The following PIWIL2 variants were observed in gnomAD, a reference collection of about 807,000 sequenced individuals.
The protein encoded by PIWIL2 is piwi like RNA-mediated gene silencing 2.
In PIWIL2, 81 loss-of-function variants were observed where a neutral mutation model predicts 116.5. The observed-to-expected ratio is 0.70, with a 90% CI of 0.58 to 0.84. PIWIL2 has a LOEUF of 0.84. Among genes scored for constraint, PIWIL2 ranks in the 40% least tolerant of loss-of-function variants. The pLI is 0.00. For missense variants in PIWIL2, 1,272 were observed against 1,212.3 expected (o/e 1.05, Z -0.73); for synonymous variants, 489 against 429.5 (o/e 1.14, Z -1.71).
chr8:22,348,205 C>T (rs1459043308), intron 20 of PIWIL2, among the ~76,000 whole-genome samples: 1 of 151,942 alleles, frequency 6.6e-6, no homozygotes, highest in Non-Finnish European at 1.5e-5. Context: ...GGGGCCGAGG[C>T]AGGAGAATCG....
chr8:22,279,556 C>G lies in PIWIL2; in HGVS notation c.170C>G (p.Pro57Arg). Residue 57 changes from proline to arginine, a missense_variant, in exon 2 of 23, where the codon CCA becomes CGA. Coordinates refer to ENST00000356766, the MANE Select transcript of PIWIL2 (RefSeq NM_018068.5). ...CATGTATTTGGAAAGCCAGAGGAACCAAGCACACAGAGGGGGCCAGCACAA... is the reference window on the plus strand; with the variant it reads ...CATGTATTTGGAAAGCCAGAGGAACGAAGCACACAGAGGGGGCCAGCACAA... ...RGHVFGKPEE[P>R]STQRGPAQRE... The G allele has an allele frequency of 1.2e-6, 2 of 1,614,184 alleles. No individual in the cohort carries two copies. Among genetic ancestry groups the G allele is most frequent in the Non-Finnish European group, 1.7e-6 (2 of 1,180,022 alleles).
intron 20 of PIWIL2, among the ~76,000 whole-genome samples, chr8:22,323,194 C>T (rs1331822626): frequency 7.5e-6 from 1 of 133,656 alleles, no homozygotes; most frequent in Admixed American, 8.9e-5. Context: ...GTCGCCCAGG[C>T]TGGAGTGCAG....
chr8:22,297,620 AC>A (rs1830940549), intron 10 of PIWIL2, among the ~76,000 whole-genome samples: 1 of 152,090 alleles, frequency 6.6e-6, no homozygotes, highest in African/African-American at 2.4e-5. Context: ...GGGCACAAGG[AC>A]CCCTGCAGTG....
intron 20 of PIWIL2, among the ~76,000 whole-genome samples, chr8:22,330,298 G>A (rs1175590311): frequency 6.6e-6 from 1 of 151,984 alleles, no homozygotes; most frequent in Non-Finnish European, 1.5e-5. Flanking sequence ...GTTCTTTCTT[G>A]TAATTTCTGT....
rs777814986 is a variant in PIWIL2, at chr8:22,287,548, G to T, written c.764G>T (p.Ser255Ile). Reference protein sequence around the residue: ...VTFSPNVECKSMRFGMLKDHQ... With the variant: ...VTFSPNVECKIMRFGMLKDHQ... ...TCCAGCCCCAATGTGGAGTGCAAAA[G>T]CATGAGGTTCGGCATGTTGAAGGAC... is the stretch of plus-strand genomic sequence containing the variant. Residue 255 changes from serine (S) to isoleucine (I), a missense_variant, in exon 7 of 23, where the codon AGC becomes ATC. By Grantham distance (142) the Ser-to-Ile change is moderately radical. Transcript: ENST00000356766. 1 of 1,613,044 alleles carries T rather than the reference G, an allele frequency of 6.2e-7. No individual in the cohort carries two copies. The highest frequency in any genetic ancestry group is 1.1e-5 in the South Asian group (1 of 91,042).
At chr8:22,325,037 G>A (rs760174910) in intron 20 of PIWIL2, among the ~76,000 whole-genome samples, 2 of 152,174 alleles carry the variant, frequency 1.3e-5, no homozygotes, top group Admixed American at 6.5e-5. Context: ...TATGACAGCC[G>A]TAGCAGACTA....
chr8:22,302,430 C>T (rs35379596), intron 10 of PIWIL2, among the ~76,000 whole-genome samples: 3,825 of 152,240 alleles, frequency 0.025, 75 homozygotes, highest in Non-Finnish European at 0.035. Context: ...CCGCCCACCT[C>T]GGCCTCCCAA....
Position 22,284,222 on chromosome 8 carries a change from C to A in PIWIL2, c.693C>A (p.Val231=), listed in dbSNP as rs368675332. ...GTPQSLGLNL[V]KIQCHNEAVY... ...CTCAGTCTTTGGGACTGAACCTCGT[C>A]AAAATACAGTGTCATAATGAAGCAG... The change falls in exon 6 of 23, where the codon GTC becomes GTA. Residue 231 remains valine, a synonymous_variant. Coordinates refer to ENST00000356766, the MANE Select transcript of PIWIL2 (RefSeq NM_018068.5). 3.0e-5 allele frequency: 49 copies of A among 1,606,978 alleles called. No individual in the cohort carries two copies. In the African/African-American group the frequency reaches 6.3e-4, roughly 21 times the overall value.
chr8:22,325,211 T>A (rs916259210), intron 20 of PIWIL2, among the ~76,000 whole-genome samples: 1 of 152,126 alleles, frequency 6.6e-6, no homozygotes, highest in Non-Finnish European at 1.5e-5. Context: ...TCCTGCCCAC[T>A]CCACTTCCTT....
chr8:22,304,158 A>T lies in PIWIL2; in HGVS notation c.1319A>T (p.Asp440Val). 1 of 1,613,720 alleles carries T rather than the reference A, an allele frequency of 6.2e-7. No individual in the cohort carries two copies. The highest frequency in any genetic ancestry group is 8.5e-7 in the Non-Finnish European group (1 of 1,179,674). ...GTGGATTGGAATAAGACTCCAAAGG[A>T]TAGCTTCACGATGTCTGATGGGAAA... ...DDVDWNKTPKDSFTMSDGKEI... is the reference protein window; with the variant it reads ...DDVDWNKTPKVSFTMSDGKEI... The change falls in exon 11 of 23, where the codon GAT becomes GTT. Residue 440 changes from aspartate (D) to valine (V), a missense_variant. Coordinates refer to ENST00000356766, the MANE Select transcript of PIWIL2 (RefSeq NM_018068.5).
intron 12 of PIWIL2, 84 bp downstream of exon 12, chr8:22,304,952 G>C: frequency 1.1e-6 from 1 of 899,600 alleles, no homozygotes; most frequent in South Asian, 1.4e-5. Context: ...GGCTTTGTGG[G>C]AGCTGTGGAG....
intron 4 of PIWIL2, among the ~76,000 whole-genome samples, chr8:22,282,114 T>A (rs560534120): frequency 3.1e-4 from 43 of 139,732 alleles, no homozygotes; most frequent in Admixed American, 1.1e-3. Context: ...GGGGTCTCAC[T>A]GTGTTGACCG....
intron 22 of PIWIL2, 142 bp from the exon 23 acceptor site, chr8:22,355,207 A>T: frequency 1.6e-6 from 1 of 631,880 alleles, no homozygotes; most frequent in Non-Finnish European, 2.7e-6. Context: ...TGATTCTAAA[A>T]AGCTGCATCA....
intron 20 of PIWIL2, among the ~76,000 whole-genome samples, chr8:22,323,337 G>A (rs1366522179): frequency 7.9e-5 from 12 of 151,806 alleles, no homozygotes; most frequent in Non-Finnish European, 1.0e-4. Context: ...TAGTAGAGAC[G>A]GGGTATCACC....
chr8:22,310,985 G>T (rs1436709795), intron 15 of PIWIL2, 127 bp from the exon 16 acceptor site: 15 of 764,094 alleles, frequency 2.0e-5, no homozygotes, highest in Admixed American at 1.0e-4. Context: ...TGTTAATACA[G>T]GAGTTAGATA....
chr8:22,311,961 T>C (rs936048727), intron 16 of PIWIL2, among the ~76,000 whole-genome samples: 1 of 152,162 alleles, frequency 6.6e-6, no homozygotes, highest in Non-Finnish European at 1.5e-5. Flanking sequence ...TTTTAAATTT[T>C]TTTTTGAGAG....
At position 22,310,637 on chromosome 8, in the gene PIWIL2, G is replaced by A. The variant is rs560842210; in HGVS notation, c.1801-475G>A. On this transcript the variant is annotated intron_variant, in intron 15 of 22. Coordinates refer to ENST00000356766, the MANE Select transcript of PIWIL2 (RefSeq NM_018068.5). The stretch of plus-strand genomic sequence containing the variant: ...TGATGAGTTTTTTTTTAATTAAATA[G>A]ACCTGTGTAATCCACACCAAGGGTT... Among the ~76,000 whole-genome samples the A allele has an allele frequency of 8.0e-3, 1,219 of 151,910 alleles. 10 individuals carry two copies. The highest frequency in any genetic ancestry group is 0.028 in the African/African-American group (1,160 of 41,434).
At chr8:22,318,356 C>G in intron 20 of PIWIL2, 81 bp downstream of exon 20, 1 of 778,586 alleles carries the variant, frequency 1.3e-6, no homozygotes, top group Admixed American at 2.5e-5. Flanking sequence ...TCACTCTTGT[C>G]GCCCAGGTTG....
chr8:22,276,882 G>A (rs1453586173), intron 1 of PIWIL2, among the ~76,000 whole-genome samples: 1 of 149,570 alleles, frequency 6.7e-6, no homozygotes, highest in Non-Finnish European at 1.5e-5. Flanking sequence ...TAGCCTGGAT[G>A]ACAGAACAAG....
Sources: gnomAD v4.1 joint callset for allele counts (sites outside exome capture counted in the v4.1 genomes callset) on GRCh38, gnomAD v4.1.1 for gene constraint, MANE v1.5 for transcripts, NCBI Gene and HGNC (gene_info 2026-07-23, HGNC 2026-07-21) for gene names.